The following ROR1 variants were observed in gnomAD, a reference collection of about 807,000 sequenced individuals.
ROR1 encodes the protein ROR family WNT receptor 1.
ROR1 carries 19 observed loss-of-function variants against 78.8 expected under a neutral mutation model. The observed-to-expected ratio is 0.24, with a 90% CI of 0.17 to 0.35. The LOEUF is 0.35. Among genes scored for constraint, ROR1 ranks in the 10% least tolerant of loss-of-function variants. The pLI, the probability that ROR1 is intolerant of heterozygous loss-of-function variation, is 1.00. For missense variants in ROR1, 917 were observed against 1,177.8 expected, an observed-to-expected ratio of 0.78 and a Z score of 3.24; for synonymous variants, 386 against 433.6, an observed-to-expected ratio of 0.89 and a Z score of 1.36.
chr1:63,990,083 T>C (rs905913691), intron 1 of ROR1, among the ~76,000 whole-genome samples: 3 of 152,224 alleles, frequency 2.0e-5, no homozygotes, highest in African/African-American at 7.2e-5. Context: ...ACCTTCCTCA[T>C]GGTCCCACTA....
At chr1:64,073,724 A>G (rs1202219094) in intron 4 of ROR1, among the ~76,000 whole-genome samples, 2 of 152,236 alleles carry the variant, frequency 1.3e-5, no homozygotes, top group East Asian at 3.9e-4. Context: ...AAGAAAAATC[A>G]TGTTGGCAAA....
chr1:64,122,591 G>T (rs544721161), intron 4 of ROR1, among the ~76,000 whole-genome samples: 2 of 152,148 alleles, frequency 1.3e-5, no homozygotes, highest in Non-Finnish European at 2.9e-5. Flanking sequence ...CTGTCAGTAG[G>T]CCACCAATAA....
chr1:64,042,395 TAGAG>T (rs1334342925), intron 2 of ROR1, among the ~76,000 whole-genome samples: 2 of 152,260 alleles, frequency 1.3e-5, no homozygotes, highest in East Asian at 3.9e-4. Flanking sequence ...AACTGAGGCT[TAGAG>T]AGGTTAAATC....
intron 1 of ROR1, among the ~76,000 whole-genome samples, chr1:63,863,923 T>C (rs1645199241): frequency 6.6e-6 from 1 of 152,166 alleles, no homozygotes. Flanking sequence ...TTAACTACTA[T>C]TCTCGGCCTT....
At chr1:64,108,380 G>C (rs1257944931) in intron 4 of ROR1, 1 of 127,478 alleles carries the variant, frequency 7.8e-6, no homozygotes, top group Non-Finnish European at 1.6e-5. Context: ...ATGGGCGACA[G>C]AGTGAGACTC....
intron 2 of ROR1, among the ~76,000 whole-genome samples, chr1:64,046,144 C>G (rs1485079209): frequency 6.6e-6 from 1 of 152,040 alleles, no homozygotes; most frequent in East Asian, 1.9e-4. Flanking sequence ...AGAAGCAGAC[C>G]CAACCCCAAA....
chr1:63,787,272 A>G (rs1644694403), intron 1 of ROR1, among the ~76,000 whole-genome samples: 1 of 152,188 alleles, frequency 6.6e-6, no homozygotes, highest in Non-Finnish European at 1.5e-5. Context: ...GTATTCTCAC[A>G]TAGGCCGTCT....
intron 4 of ROR1, among the ~76,000 whole-genome samples, chr1:64,067,299 A>G (rs1646963961): frequency 6.6e-6 from 1 of 151,862 alleles, no homozygotes; most frequent in Non-Finnish European, 1.5e-5. Context: ...GTGAGCCAAA[A>G]TTGCACTACT....
chr1:64,032,876 T>C (rs1204969777), intron 2 of ROR1, among the ~76,000 whole-genome samples: 2 of 152,104 alleles, frequency 1.3e-5, no homozygotes, highest in Non-Finnish European at 2.9e-5. Context: ...TAAAAAACAA[T>C]ATTCTGTATG....
At chr1:64,081,768 C>CAAAAAAAAAAA (rs55945635) in intron 4 of ROR1, among the ~76,000 whole-genome samples, 38 of 98,818 alleles carry the variant, frequency 3.8e-4, no homozygotes, top group African/African-American at 5.5e-4. Context: ...GAGACACTGT[C>CAAAAAAAAAAA]AAAAAAAAAA....
At chr1:64,099,172 T>C (rs1313534184) in intron 4 of ROR1, among the ~76,000 whole-genome samples, 1 of 152,124 alleles carries the variant, frequency 6.6e-6, no homozygotes, top group African/African-American at 2.4e-5. Flanking sequence ...CTGCTCACAG[T>C]GCATGTCATC....
intron 7 of ROR1, among the ~76,000 whole-genome samples, chr1:64,145,783 T>C (rs1649456656): frequency 6.6e-6 from 1 of 152,212 alleles, no homozygotes; most frequent in South Asian, 2.1e-4. Flanking sequence ...CAGTACTTAC[T>C]AAGCACCTTC....
chr1:63,958,685 A>G (rs570479473), intron 1 of ROR1, among the ~76,000 whole-genome samples: 1 of 152,294 alleles, frequency 6.6e-6, no homozygotes, highest in South Asian at 2.1e-4. Flanking sequence ...ATGAAATCAT[A>G]TCTTTCTGCT....
In ROR1 at chr1:63,934,632, A is replaced by G. The variant is rs1645779690; in HGVS notation, c.92-74673A>G. Among the ~76,000 whole-genome samples the G allele has an allele frequency of 2.0e-5, 3 of 152,206 alleles. No homozygotes were observed. In the South Asian group the frequency reaches 6.2e-4, roughly 32 times the overall value. ...TGCAAGGACTGCAAGGCGGAATCTAATTTAACACTTATTTAAATTTAACAG... is the reference window on the plus strand; with the variant it reads ...TGCAAGGACTGCAAGGCGGAATCTAGTTTAACACTTATTTAAATTTAACAG... On this transcript the variant is annotated intron_variant, in intron 1 of 8. Transcript: ENST00000371079.
chr1:64,092,539 G>C (rs897521725), intron 4 of ROR1, among the ~76,000 whole-genome samples: 1 of 152,160 alleles, frequency 6.6e-6, no homozygotes, highest in African/African-American at 2.4e-5. Flanking sequence ...TGTTATGGTA[G>C]AGAAGGAGGT....
chr1:63,778,112 A>G (rs1301712590), intron 1 of ROR1, among the ~76,000 whole-genome samples: 1 of 152,158 alleles, frequency 6.6e-6, no homozygotes, highest in Non-Finnish European at 1.5e-5. Context: ...TCTGTTGTAT[A>G]GTGGGTGTGT....
chr1:63,884,684 G>T (rs987950638), intron 1 of ROR1, among the ~76,000 whole-genome samples: 1 of 152,132 alleles, frequency 6.6e-6, no homozygotes, highest in Non-Finnish European at 1.5e-5. Flanking sequence ...GATGAATAAA[G>T]TCTGTCTCCA....
chr1:63,844,061 T>C (rs1645065664), intron 1 of ROR1, among the ~76,000 whole-genome samples: 1 of 152,274 alleles, frequency 6.6e-6, no homozygotes, highest in South Asian at 2.1e-4. Context: ...TCAGAGTGAT[T>C]ATCTCCCTTA....
intron 2 of ROR1, among the ~76,000 whole-genome samples, chr1:64,023,655 CT>C (rs1646584066): frequency 6.6e-6 from 1 of 152,092 alleles, no homozygotes; most frequent in Admixed American, 6.6e-5. Flanking sequence ...TACTGTTTGT[CT>C]TTTTAATGCA....
Sources: gnomAD v4.1 joint callset for allele counts (sites outside exome capture counted in the v4.1 genomes callset) on GRCh38, gnomAD v4.1.1 for gene constraint, MANE v1.5 for transcripts, NCBI Gene and HGNC (gene_info 2026-07-23, HGNC 2026-07-21) for gene names.